The following BIVM variants were observed in gnomAD, a reference collection of about 807,000 sequenced individuals.
BIVM encodes the protein basic, immunoglobulin-like variable motif containing.
A neutral mutation model predicts 61.4 loss-of-function variants in BIVM; 31 were observed. The observed-to-expected ratio is 0.51, with a 90% confidence interval of 0.38 to 0.68. The LOEUF is 0.68. Ranked by LOEUF, BIVM falls within the 30% of genes least tolerant of loss-of-function variation. The pLI is 0.00. For missense variants in BIVM, 526 were observed against 596.0 expected, an observed-to-expected ratio of 0.88 and a Z score of 1.22; for synonymous variants, 189 against 210.7, an observed-to-expected ratio of 0.90 and a Z score of 0.89.
chr13:102,838,544 C>T, intron 9 of BIVM, 99 bp from the exon 10 acceptor site: 1 of 909,962 alleles, frequency 1.1e-6, no homozygotes, highest in Non-Finnish European at 1.6e-6. Flanking sequence ...CCAATTATTG[C>T]TGTGATAATA....
chr13:102,836,319 T>C (rs1464190957), intron 9 of BIVM, among the ~76,000 whole-genome samples: 3 of 152,216 alleles, frequency 2.0e-5, no homozygotes, highest in East Asian at 3.8e-4. Context: ...GATCCCTTTC[T>C]ATTATTGTTT....
chr13:102,827,881 T>C (rs1051806454), intron 7 of BIVM, among the ~76,000 whole-genome samples: 1 of 152,220 alleles, frequency 6.6e-6, no homozygotes, highest in Non-Finnish European at 1.5e-5. Flanking sequence ...TCTCCCATTG[T>C]GGAAGAAAGA....
chr13:102,838,703 C>A lies in BIVM; in HGVS notation c.1182C>A (p.His394Gln). ...ATCCAGAATACCTGGATATCCGGCA[C>A]TTAGAGAGGGGACTGCAGTATAGAA... is the stretch of plus-strand genomic sequence containing the variant. ...TQNPEYLDIRHLERGLQYRKT... is the reference protein window; with the variant it reads ...TQNPEYLDIRQLERGLQYRKT... The change falls in exon 10 of 11, where the codon CAC becomes CAA. Residue 394 changes from histidine (H) to glutamine (Q), a missense_variant. By Grantham distance (24) the His-to-Gln change is conservative (BLOSUM62 0). Transcript: ENST00000257336. The A allele has an allele frequency of 6.2e-7, 1 of 1,613,340 alleles. No homozygotes were observed. Among genetic ancestry groups the A allele is most frequent in the Non-Finnish European group, 8.5e-7 (1 of 1,179,586 alleles).
chr13:102,834,553 G>C lies in BIVM; in HGVS notation c.1121+1G>C. 1 of 1,579,362 alleles carries C rather than the reference G, an allele frequency of 6.3e-7. No individual in the cohort carries two copies. The highest frequency in any genetic ancestry group is 1.2e-5 in the South Asian group (1 of 84,658). On this transcript the variant is annotated splice_donor_variant, in intron 9 of 10. Transcript: ENST00000257336. LOFTEE classifies it high-confidence loss of function. ...AACATCCTGCCATTCACTGTAAAAA[G>C]TATGTTAACTTCCCTTTATTTTCTT...
At chr13:102,827,956 C>T (rs551379269) in intron 7 of BIVM, among the ~76,000 whole-genome samples, 4 of 152,262 alleles carry the variant, frequency 2.6e-5, no homozygotes, top group South Asian at 4.1e-4. Context: ...TTGTCAGTGG[C>T]GCTATTTGTT....
intron 3 of BIVM, among the ~76,000 whole-genome samples, chr13:102,813,892 C>A (rs1031074214): frequency 2.6e-5 from 4 of 152,238 alleles, no homozygotes; most frequent in East Asian, 1.9e-4. Flanking sequence ...AGAATTTGGG[C>A]CCCCTCTTCT....
chr13:102,823,172 C>T (rs1880416155), intron 7 of BIVM, among the ~76,000 whole-genome samples: 1 of 152,148 alleles, frequency 6.6e-6, no homozygotes, highest in Admixed American at 6.5e-5. Flanking sequence ...AGGTCCAGGC[C>T]TGTTTGAGAA....
rs78150387 is a variant in BIVM, at chr13:102,839,799, G to A, written c.1446G>A (p.Met482Ile). The change falls in exon 11 of 11, where the codon ATG becomes ATA. Residue 482 changes from methionine (M) to isoleucine (I), a missense_variant. Physicochemically the swap from Met to Ile is conservative, Grantham distance 10. Coordinates refer to ENST00000257336, the MANE Select transcript of BIVM (RefSeq NM_017693.4). ...ATCAGGACTCGGCATGGAAAAAGAT[G>A]TCTAGTATCCATGAGAGAAGGAACA... Reference protein sequence around the residue: ...SFHQDSAWKKMSSIHERRNSG... With the variant: ...SFHQDSAWKKISSIHERRNSG... The A allele has an allele frequency of 2.3e-4, 374 of 1,614,168 alleles. 4 individuals are homozygous for A. In the South Asian group the frequency reaches 3.8e-3, roughly 16 times the overall value.
intron 4 of BIVM, among the ~76,000 whole-genome samples, chr13:102,820,058 G>T (rs193111050): frequency 6.6e-6 from 1 of 152,034 alleles, no homozygotes; most frequent in Non-Finnish European, 1.5e-5. Context: ...AACCACGCTT[G>T]ACTAGCTTCA....
chr13:102,819,138 G>A (rs1270920355), intron 4 of BIVM, among the ~76,000 whole-genome samples: 1 of 152,150 alleles, frequency 6.6e-6, no homozygotes, highest in Non-Finnish European at 1.5e-5. Flanking sequence ...TTAGGTTGGA[G>A]TTCACACTCA....
At position 102,840,826 on chromosome 13, in the gene BIVM, T is replaced by A. The variant is rs1410972128; in HGVS notation, c.*961T>A. 1.3e-5 allele frequency: 2 copies of A among 152,196 alleles called. No homozygotes were observed. Among genetic ancestry groups the A allele is most frequent in the African/African-American group, 4.8e-5 (2 of 41,462 alleles). 9.4% of individuals were successfully genotyped at this position (152,196 alleles called of 1,614,324 possible). On this transcript the variant is annotated 3_prime_UTR_variant, in exon 11 of 11. Transcript: ENST00000257336. ...AGAACCTTAGGTCTCGAAAGACTTT[T>A]ATAAGTCTAGATGACGTTTGCCTTA... is the stretch of plus-strand genomic sequence containing the variant.
rs1298034347 is a variant in BIVM at position 102,838,836 on chromosome 13, T to C, written c.1218+97T>C. ...TTAGGTTGCAAGTAACAGAAACCTA[T>C]ATTTGATAGAGGAGTGAAAATTATT... On this transcript the variant is annotated intron_variant, in intron 10 of 10. Transcript: ENST00000257336. 5 of 1,105,250 alleles carry C rather than the reference T, an allele frequency of 4.5e-6. No homozygotes were observed. In the African/African-American group the frequency reaches 8.0e-5, roughly 18 times the overall value. 68.5% of individuals were successfully genotyped at this position (1,105,250 alleles called of 1,614,324 possible).
chr13:102,834,417 A>G, intron 8 of BIVM, 49 bp from the exon 9 acceptor site: 1 of 1,530,854 alleles, frequency 6.5e-7, no homozygotes, highest in Non-Finnish European at 8.9e-7. Flanking sequence ...GAAGCAATAT[A>G]CTCAAGGGAG....
rs771793466 is a variant in BIVM, at chr13:102,807,746, G to C, written c.478+1G>C. 5 of 1,603,506 alleles carry C rather than the reference G, an allele frequency of 3.1e-6. No homozygotes were observed. The stretch of plus-strand genomic sequence containing the variant: ...ACCACAAATTCGAAACACAAATCAG[G>C]TAAGGAGGGAGCCATGAAGTTCATA... On this transcript the variant is annotated splice_donor_variant, in intron 3 of 10. Coordinates refer to ENST00000257336, the MANE Select transcript of BIVM (RefSeq NM_017693.4). LOFTEE classifies it high-confidence loss of function. This position sits in a 1 kb window ranked among gnomAD's most constrained non-coding sequence, Gnocchi z 4.0.
intron 7 of BIVM, among the ~76,000 whole-genome samples, chr13:102,827,055 T>G (rs1054402458): frequency 1.3e-5 from 2 of 152,218 alleles, no homozygotes; most frequent in African/African-American, 4.8e-5. Flanking sequence ...TTTTAAAAGA[T>G]TTTTGATCAA....
intron 4 of BIVM, among the ~76,000 whole-genome samples, chr13:102,818,085 C>G (rs1879997903): frequency 6.6e-6 from 1 of 152,054 alleles, no homozygotes; most frequent in African/African-American, 2.4e-5. Context: ...CACCAGAATG[C>G]TTTACTAAGG....
chr13:102,825,726 G>A (rs1397346611), intron 7 of BIVM, among the ~76,000 whole-genome samples: 3 of 152,206 alleles, frequency 2.0e-5, no homozygotes, highest in African/African-American at 7.2e-5. Flanking sequence ...TCATATCTTT[G>A]TGATTGGTGG....
intron 3 of BIVM, among the ~76,000 whole-genome samples, chr13:102,810,856 G>C (rs1190296945): frequency 1.3e-5 from 2 of 152,152 alleles, no homozygotes; most frequent in Admixed American, 1.3e-4. Context: ...AGCCTTCTGA[G>C]TAGCTGGGAC....
intron 7 of BIVM, among the ~76,000 whole-genome samples, chr13:102,825,494 G>A (rs976170112): frequency 1.3e-5 from 2 of 152,188 alleles, no homozygotes; most frequent in African/African-American, 4.8e-5. Flanking sequence ...ACCTGTTGGT[G>A]GGAGTTTGCC....
Sources: gnomAD v4.1 joint callset for allele counts (sites outside exome capture counted in the v4.1 genomes callset) on GRCh38, gnomAD v4.1.1 for gene constraint, Gnocchi (gnomAD v3.1) non-coding constraint, MANE v1.5 for transcripts, NCBI Gene and HGNC (gene_info 2026-07-23, HGNC 2026-07-21) for gene names.